HPX: variants seen among roughly 807,000 people sequenced by gnomAD.
The protein encoded by HPX is beta-1B-glycoprotein.
HPX carries 42 observed loss-of-function variants against 53.8 expected under a neutral mutation model. The observed-to-expected ratio is 0.78, with a 90% CI of 0.61 to 1.01. The LOEUF is 1.01. HPX is among the 50% of genes least tolerant of loss of function. The pLI is 0.00. For synonymous variants in HPX, 229 were observed against 221.1 expected, an observed-to-expected ratio of 1.04 and a Z score of -0.32; for missense variants, 547 against 594.3, an observed-to-expected ratio of 0.92 and a Z score of 0.83.
chr11:6,438,457 T>C lies in HPX; in HGVS notation c.389A>G (p.Lys130Arg), dbSNP rs1849444752. The change falls in exon 5 of 10, where the codon AAG (lysine) becomes AGG (arginine). Residue 130 changes from lysine (K) to arginine (R), a missense_variant. Physicochemically the swap from Lys to Arg is conservative, Grantham distance 26. Transcript: ENST00000265983. The stretch of plus-strand genomic sequence containing the variant: ...TCCAGGAAATTCATCTTGGAGCAAC[T>C]TTGGGTATCCTTTCTCCTTCTTTTC... ...PPEKKEKGYP[K>R]LLQDEFPGIP... is the part of the protein sequence containing the mutation. 6.2e-7 allele frequency: 1 copy of C among 1,613,982 alleles called. No homozygotes were observed. The highest frequency in any genetic ancestry group is 1.7e-5 in the Admixed American group (1 of 60,016).
chr11:6,440,313 G>A (rs113620912), intron 3 of HPX, 27 bp from the exon 4 acceptor site: 1 of 1,612,988 alleles, frequency 6.2e-7, no homozygotes, highest in Non-Finnish European at 8.5e-7. Context: ...TCACTGAGGG[G>A]CCCAGTGAGA....
In HPX at chr11:6,437,142, T is replaced by G. The variant is rs1307734945; in HGVS notation, c.739A>C (p.Ser247Arg). 6.2e-7 allele frequency: 1 copy of G among 1,613,932 alleles called. No individual in the cohort carries two copies. Among genetic ancestry groups the G allele is most frequent in the African/African-American group, 1.3e-5 (1 of 74,920 alleles). The change falls in exon 7 of 10, where the codon AGT becomes CGT. Residue 247 changes from serine to arginine, a missense_variant. Transcript: ENST00000265983. ...GHRNGTGHGNSTHHGPEYMRC... is the reference protein window; with the variant it reads ...GHRNGTGHGNRTHHGPEYMRC... ...ATATACTCAGGGCCATGGTGGGTAC[T>G]GTTCCCATGGCCAGTCCCATTCCTG...
intron 7 of HPX, 89 bp downstream of exon 7, chr11:6,436,957 G>A: frequency 2.1e-6 from 3 of 1,420,982 alleles, no homozygotes; most frequent in Non-Finnish European, 2.9e-6. Flanking sequence ...AAGTGACACA[G>A]TGATGACAAT....
In HPX at chr11:6,431,058, A is replaced by G; in HGVS notation, c.*153T>C. 9.9e-7 allele frequency: 1 copy of G among 1,006,692 alleles called. No homozygotes were observed. Among genetic ancestry groups the G allele is most frequent in the South Asian group, 1.7e-5 (1 of 57,392 alleles). 62.4% of individuals were successfully genotyped at this position (1,006,692 alleles called of 1,614,324 possible). ...GACCAAGGTCCCTTGATTCAAGTGA[A>G]GAAGCAATCTGTCTTTATTATGAGA... is the stretch of plus-strand genomic sequence containing the variant. On this transcript the variant is annotated 3_prime_UTR_variant, in exon 10 of 10. Coordinates refer to ENST00000265983, the MANE Select transcript of HPX (RefSeq NM_000613.3).
chr11:6,435,590 G>A (rs778933861), intron 7 of HPX, among the ~76,000 whole-genome samples: 27 of 152,168 alleles, frequency 1.8e-4, no homozygotes, highest in Middle Eastern at 3.4e-3. Flanking sequence ...GGGACTATAG[G>A]AACGCACTAC....
chr11:6,440,590 A>G (rs750501692), intron 2 of HPX, 52 bp from the exon 3 acceptor site: 1 of 1,408,634 alleles, frequency 7.1e-7, no homozygotes, highest in Non-Finnish European at 9.7e-7. Context: ...AAAAAAAAAA[A>G]AAAAAAAAAA....
At chr11:6,432,044 G>C (rs781023922) in intron 7 of HPX, 27 bp from the exon 8 acceptor site, 4 of 1,613,320 alleles carry the variant, frequency 2.5e-6, no homozygotes, top group Non-Finnish European at 3.4e-6. Flanking sequence ...GTTGCTCTAG[G>C]GCCGCTGGCA....
intron 7 of HPX, among the ~76,000 whole-genome samples, chr11:6,435,552 C>A (rs931204587): frequency 6.6e-6 from 1 of 152,040 alleles, no homozygotes; most frequent in Non-Finnish European, 1.5e-5. Context: ...GAAGCCTCGA[C>A]CTTCCGGGCT....
intron 1 of HPX, 40 bp from the exon 2 acceptor site, chr11:6,440,770 G>T: frequency 6.2e-7 from 1 of 1,601,896 alleles, no homozygotes; most frequent in Non-Finnish European, 8.6e-7. Context: ...CATTGGGACC[G>T]ATCCCTTTCC....
chr11:6,435,821 A>T (rs953984281), intron 7 of HPX, among the ~76,000 whole-genome samples: 9 of 152,248 alleles, frequency 5.9e-5, no homozygotes, highest in Admixed American at 3.3e-4. Flanking sequence ...TGGAACATAC[A>T]TGACATTTTT....
At position 6,437,631 on chromosome 11, in the gene HPX, T is replaced by G. The variant is rs755053327; in HGVS notation, c.512A>C (p.Asp171Ala). 62 of 1,613,990 alleles carry G rather than the reference T, an allele frequency of 3.8e-5. No homozygotes were observed. Among genetic ancestry groups the G allele is most frequent in the Non-Finnish European group, 5.1e-5 (60 of 1,180,018 alleles). The change falls in exon 6 of 10, where the codon GAC (aspartate) becomes GCC (alanine). Residue 171 changes from aspartate to alanine, a missense_variant. Asp to Ala is a moderately radical substitution (Grantham distance 126). Transcript: ENST00000265983. ...FFQGDREWFWDLATGTMKERS... is the reference protein window; with the variant it reads ...FFQGDREWFWALATGTMKERS... ...CTCCTTCATGGTTCCCGTAGCCAAG[T>G]CCCAGAACCACTCGCGGTCACCTTT...
At position 6,438,451 on chromosome 11, in the gene HPX, A is replaced by G; in HGVS notation, c.395T>C (p.Leu132Pro). 6.2e-7 allele frequency: 1 copy of G among 1,614,078 alleles called. No individual in the cohort carries two copies. Among genetic ancestry groups the G allele is most frequent in the Non-Finnish European group, 8.5e-7 (1 of 1,179,946 alleles). Residue 132 changes from leucine (L) to proline (P), a missense_variant, in exon 5 of 10, where the codon CTC becomes CCC. Coordinates refer to ENST00000265983, the MANE Select transcript of HPX (RefSeq NM_000613.3). The stretch of plus-strand genomic sequence containing the variant: ...TGGGATTCCAGGAAATTCATCTTGG[A>G]GCAACTTTGGGTATCCTTTCTCCTT... Reference protein sequence around the residue: ...EKKEKGYPKLLQDEFPGIPSP... With the variant: ...EKKEKGYPKLPQDEFPGIPSP...
At chr11:6,433,830 C>T (rs1423498443) in intron 7 of HPX, among the ~76,000 whole-genome samples, 1 of 152,222 alleles carries the variant, frequency 6.6e-6, no homozygotes, top group African/African-American at 2.4e-5. Flanking sequence ...GTGTTCCAGC[C>T]TCACCAGGCT....
At position 6,431,113 on chromosome 11, in the gene HPX, A is replaced by G; in HGVS notation, c.*98T>C. ...GGGGAGGTGGGGCCAGGCCAGACTCATGTCAGAAGGCCCCTCAGTGAGAAG... is the reference window on the plus strand; with the variant it reads ...GGGGAGGTGGGGCCAGGCCAGACTCGTGTCAGAAGGCCCCTCAGTGAGAAG... On this transcript the variant is annotated 3_prime_UTR_variant, in exon 10 of 10. Coordinates refer to ENST00000265983, the MANE Select transcript of HPX (RefSeq NM_000613.3). 6.6e-7 allele frequency: 1 copy of G among 1,517,914 alleles called. No homozygotes were observed. Among genetic ancestry groups the G allele is most frequent in the Non-Finnish European group, 8.9e-7 (1 of 1,121,710 alleles). 94.0% of individuals were successfully genotyped at this position (1,517,914 alleles called of 1,614,324 possible).
chr11:6,431,200 C>T lies in HPX; in HGVS notation c.*11G>A, dbSNP rs767015348. 1 of 1,613,956 alleles carries T rather than the reference C, an allele frequency of 6.2e-7. No individual in the cohort carries two copies. The highest frequency in any genetic ancestry group is 2.2e-5 in the East Asian group (1 of 44,882). On this transcript the variant is annotated 3_prime_UTR_variant, in exon 10 of 10. Coordinates refer to ENST00000265983, the MANE Select transcript of HPX (RefSeq NM_000613.3). Reference sequence around the variant, plus strand: ...AGGTGGGGCCAGGCCAGACTCATGTCAGAAGGCCCCTCAGTGAGTGCAGCC... The same window carrying T: ...AGGTGGGGCCAGGCCAGACTCATGTTAGAAGGCCCCTCAGTGAGTGCAGCC...
intron 9 of HPX, 23 bp downstream of exon 9, chr11:6,431,618 C>CTG (rs1849349429): frequency 6.2e-7 from 1 of 1,612,478 alleles, no homozygotes; most frequent in Admixed American, 1.7e-5. Context: ...AAGCTGCCCT[C>CTG]TAAGCACCCA....
chr11:6,440,852 C>A (rs1376211057), intron 1 of HPX, 29 bp downstream of exon 1: 2 of 1,609,672 alleles, frequency 1.2e-6, no homozygotes, highest in South Asian at 1.1e-5. Flanking sequence ...AGAACTCAAT[C>A]CTTCGCTTCT....
At chr11:6,434,214 T>A (rs1307457778) in intron 7 of HPX, among the ~76,000 whole-genome samples, 2 of 152,238 alleles carry the variant, frequency 1.3e-5, no homozygotes, top group African/African-American at 4.8e-5. Flanking sequence ...TTCTTGCTGC[T>A]ACCACAAGTT....
Position 6,431,942 on chromosome 11 carries a change from C to A in HPX, c.911G>T (p.Gly304Val), listed in dbSNP as rs374442319. ...SWPIAHQWPQ[G>V]PSAVDAAFSW... ...AAAGGCAGCATCCACTGCTGAAGGACCCTGGGGCCACTGATGAGCAATGGG... is the reference window on the plus strand; with the variant it reads ...AAAGGCAGCATCCACTGCTGAAGGAACCTGGGGCCACTGATGAGCAATGGG... The change falls in exon 8 of 10, where the codon GGT becomes GTT. Residue 304 changes from glycine (G) to valine (V), a missense_variant. By Grantham distance (109) the Gly-to-Val change is moderately radical. Coordinates refer to ENST00000265983, the MANE Select transcript of HPX (RefSeq NM_000613.3). 3 of 1,614,218 alleles carry A rather than the reference C, an allele frequency of 1.9e-6. No homozygotes were observed. In the East Asian group the frequency reaches 6.7e-5, roughly 36 times the overall value.
Sources: gnomAD v4.1 joint callset for allele counts (sites outside exome capture counted in the v4.1 genomes callset) on GRCh38, gnomAD v4.1.1 for gene constraint, MANE v1.5 for transcripts, NCBI Gene and HGNC (gene_info 2026-07-23, HGNC 2026-07-21) for gene names.